The following RAB11FIP3 variants were observed in gnomAD, a reference collection of about 807,000 sequenced individuals.
RAB11FIP3 encodes RAB11 family interacting protein 3.
Under a neutral mutation model 77.8 loss-of-function variants are expected in RAB11FIP3, and 17 were observed. The observed-to-expected ratio is 0.22, with a 90% CI of 0.15 to 0.33. The LOEUF (loss-of-function observed/expected upper bound fraction) is 0.33, where lower values mean the gene tolerates loss of function less well. RAB11FIP3 is among the 10% of genes least tolerant of loss of function. The probability of loss-of-function intolerance (pLI) is 1.00; values close to 1 mark genes in which losing one functional copy is unlikely to be tolerated. For missense variants in RAB11FIP3, 1,005 were observed against 1,011.2 expected (o/e 0.99, Z 0.08); for synonymous variants, 437 against 448.2 (o/e 0.98, Z 0.31).
At chr16:492,450 G>A (rs376667335) in intron 5 of RAB11FIP3, among the ~76,000 whole-genome samples, 3,931 of 66,618 alleles carry the variant, frequency 0.059, 198 homozygotes, top group African/African-American at 0.15. Flanking sequence ...GGCCGCCCAG[G>A]GCCCTTCCCG....
In RAB11FIP3 at chr16:429,293, T is replaced by G. The variant is rs2054998767; in HGVS notation, c.714+2573T>G. On this transcript the variant is annotated intron_variant, in intron 1 of 13. Transcript: ENST00000262305. ...CATTTCTTCCATAAATGCTTCAGTATATATTTCCAAAAGATACCGATTCTT... is the reference window on the plus strand; with the variant it reads ...CATTTCTTCCATAAATGCTTCAGTAGATATTTCCAAAAGATACCGATTCTT... Among the ~76,000 whole-genome samples the G allele has an allele frequency of 2.0e-5, 3 of 152,108 alleles. No homozygotes were observed. The South Asian group carries it at 6.2e-4, about 31-fold the overall frequency.
intron 1 of RAB11FIP3, among the ~76,000 whole-genome samples, chr16:446,341 C>T (rs192641370): frequency 1.3e-5 from 2 of 152,118 alleles, no homozygotes; most frequent in Non-Finnish European, 2.9e-5. Context: ...ACAGTGGTAC[C>T]CAGAGAGGCA....
intron 2 of RAB11FIP3, among the ~76,000 whole-genome samples, chr16:467,420 G>C (rs1238215621): frequency 6.6e-6 from 1 of 151,808 alleles, no homozygotes; most frequent in Non-Finnish European, 1.5e-5. Flanking sequence ...AGTAGCCTCA[G>C]GGAGGAGGTG....
chr16:495,602 G>A (rs1444668052), intron 5 of RAB11FIP3, among the ~76,000 whole-genome samples: 2 of 152,140 alleles, frequency 1.3e-5, no homozygotes, highest in Admixed American at 6.5e-5. Context: ...TTCACTCCTC[G>A]GCTCCCTCTG....
intron 6 of RAB11FIP3, chr16:497,543 T>TCCTCTGGAGCATCC: frequency 9.7e-7 from 1 of 1,035,598 alleles, no homozygotes; most frequent in South Asian, 1.7e-5. Context: ...CTCTCCAGCT[T>TCCTCTGGAGCATCC]CCTCTGGAGC....
chr16:464,753 C>G (rs2055673302), intron 2 of RAB11FIP3, among the ~76,000 whole-genome samples: 1 of 152,132 alleles, frequency 6.6e-6, no homozygotes, highest in South Asian at 2.1e-4. Context: ...AGTAGTTGAG[C>G]ATTGTGGCGT....
rs1030440256 is a variant in RAB11FIP3, at chr16:426,967, G to C, written c.714+247G>C. Among the ~76,000 whole-genome samples, 12 of 151,814 alleles carry C rather than the reference G, an allele frequency of 7.9e-5. No homozygotes were observed. The highest frequency in any genetic ancestry group is 5.9e-4 in the Admixed American group (9 of 15,266). On this transcript the variant is annotated intron_variant, in intron 1 of 13. Transcript: ENST00000262305. The surrounding 1 kb of genome is among the most constrained non-coding windows in gnomAD (Gnocchi z 5.0). ...GTCAGTTTCTTCCCCTCCCCCCAGC[G>C]CCTCGTCAGCTGGATCTTACCGAGG...
At chr16:503,951 C>T (rs921765581) in intron 7 of RAB11FIP3, among the ~76,000 whole-genome samples, 1 of 142,096 alleles carries the variant, frequency 7.0e-6, no homozygotes, top group East Asian at 2.1e-4. Context: ...TCCTGTACCC[C>T]TCATCTCCTC....
intron 1 of RAB11FIP3, among the ~76,000 whole-genome samples, chr16:446,281 C>T (rs1383524557): frequency 6.6e-6 from 1 of 152,162 alleles, no homozygotes; most frequent in East Asian, 1.9e-4. Flanking sequence ...AAAGATCACC[C>T]TGGCCTCTTT....
At chr16:482,492 G>T (rs1342448324) in intron 3 of RAB11FIP3, 33 bp from the exon 4 acceptor site, 5 of 1,603,980 alleles carry the variant, frequency 3.1e-6, no homozygotes, top group Non-Finnish European at 4.3e-6. Context: ...CTCCCAGCTT[G>T]TGCCCGCTGA....
At chr16:508,947 A>G (rs1220375915) in intron 8 of RAB11FIP3, among the ~76,000 whole-genome samples, 2 of 147,338 alleles carry the variant, frequency 1.4e-5, no homozygotes, top group Admixed American at 6.9e-5. Flanking sequence ...TCTGTTGCCC[A>G]GGCTGTAGTG....
intron 6 of RAB11FIP3, among the ~76,000 whole-genome samples, chr16:500,854 G>T (rs910937957): frequency 2.0e-5 from 3 of 152,096 alleles, no homozygotes; most frequent in East Asian, 1.9e-4. Context: ...AAGTGCCTAC[G>T]CCTCTAGGAC....
In RAB11FIP3 at chr16:482,374, T is replaced by C. The variant is rs560425533; in HGVS notation, c.904-151T>C. 2.8e-4 allele frequency: 218 copies of C among 770,716 alleles called. 1 individual carries two copies. The highest frequency in any genetic ancestry group is 4.2e-4 in the Non-Finnish European group (184 of 436,066). The allele number at this position is 770,716 out of a possible 1,614,324, so 47.7% of individuals were successfully genotyped here. A position where few individuals can be genotyped will look rare whatever the true frequency, so the allele number is the denominator to read the frequency against. ...CCCAGCCTGAATTGTGTTTTATAAG[T>C]AATGTCTCTGCTTAGAGACAGTTGG... is the stretch of plus-strand genomic sequence containing the variant. On this transcript the variant is annotated intron_variant, in intron 3 of 13. Transcript: ENST00000262305.
chr16:497,554 A>G, intron 6 of RAB11FIP3: 2 of 980,036 alleles, frequency 2.0e-6, no homozygotes, highest in Non-Finnish European at 1.3e-6. Context: ...CCTCTGGAGC[A>G]TCCCCTCTGG....
At chr16:498,369 T>C (rs2031293277) in intron 6 of RAB11FIP3, among the ~76,000 whole-genome samples, 1 of 152,088 alleles carries the variant, frequency 6.6e-6, no homozygotes, top group African/African-American at 2.4e-5. Flanking sequence ...GAGATGGAGT[T>C]TCACTACGTT....
At chr16:482,241 G>C in intron 3 of RAB11FIP3, 1 of 578,074 alleles carries the variant, frequency 1.7e-6, no homozygotes, top group Non-Finnish European at 3.2e-6. Context: ...ATTTTTGGTA[G>C]AGACAAATTT....
intron 1 of RAB11FIP3, among the ~76,000 whole-genome samples, chr16:444,668 C>G (rs140164437): frequency 6.6e-6 from 1 of 151,648 alleles, no homozygotes; most frequent in East Asian, 2.0e-4. Context: ...GGCAACACAG[C>G]GAGACCCTGT....
chr16:495,785 T>C (rs2031071412), intron 5 of RAB11FIP3, among the ~76,000 whole-genome samples: 1 of 152,148 alleles, frequency 6.6e-6, no homozygotes, highest in Non-Finnish European at 1.5e-5. Flanking sequence ...GTTTCACTCT[T>C]TGTTGCCCAG....
At chr16:460,092 A>G (rs1269613774) in intron 1 of RAB11FIP3, among the ~76,000 whole-genome samples, 2 of 151,880 alleles carry the variant, frequency 1.3e-5, no homozygotes, top group African/African-American at 2.4e-5. Flanking sequence ...GGTCAGGATG[A>G]TCTGGAACTC....
Sources: gnomAD v4.1 joint callset for allele counts (sites outside exome capture counted in the v4.1 genomes callset) on GRCh38, gnomAD v4.1.1 for gene constraint, Gnocchi (gnomAD v3.1) non-coding constraint, MANE v1.5 for transcripts, NCBI Gene and HGNC (gene_info 2026-07-23, HGNC 2026-07-21) for gene names.